Variants in FCHO2 observed in about 807,000 individuals in gnomAD.
FCHO2 encodes FCH and mu domain containing endocytic adaptor 2.
A neutral mutation model predicts 114.1 loss-of-function variants in FCHO2; 43 were observed. The observed-to-expected ratio is 0.38, with a 90% CI of 0.30 to 0.49. The LOEUF (loss-of-function observed/expected upper bound fraction) is 0.49. Ranked by LOEUF, FCHO2 falls within the 20% of genes least tolerant of loss-of-function variation. The pLI, the probability that FCHO2 is intolerant of heterozygous loss-of-function variation, is 0.97. For missense variants in FCHO2, 807 were observed against 950.4 expected, an observed-to-expected ratio of 0.85 and a Z score of 1.98; for synonymous variants, 293 against 315.2, an observed-to-expected ratio of 0.93 and a Z score of 0.75.
intron 11 of FCHO2, among the ~76,000 whole-genome samples, chr5:73,044,800 A>G (rs1445340536): frequency 6.6e-6 from 1 of 151,968 alleles, no homozygotes; most frequent in Non-Finnish European, 1.5e-5. Flanking sequence ...AATTGCCACC[A>G]CTACTTTAGC....
chr5:73,023,812 A>G (rs1334823567), intron 8 of FCHO2, among the ~76,000 whole-genome samples: 1 of 152,214 alleles, frequency 6.6e-6, no homozygotes, highest in Non-Finnish European at 1.5e-5. Flanking sequence ...TTGCAGGTGA[A>G]TGAAAGTTTT....
At chr5:72,997,936 G>A (rs1265254507) in intron 5 of FCHO2, among the ~76,000 whole-genome samples, 2 of 152,110 alleles carry the variant, frequency 1.3e-5, no homozygotes, top group African/African-American at 2.4e-5. Flanking sequence ...GTGGTGGAGC[G>A]GCAGGACCCG....
Position 73,087,799 on chromosome 5 carries a change from T to C in FCHO2, c.2410+46T>C, listed in dbSNP as rs376405785. The C allele has an allele frequency of 3.3e-6, 5 of 1,526,530 alleles. No homozygotes were observed. The African/African-American group carries it at 5.6e-5, about 17-fold the overall frequency. 94.6% of individuals were successfully genotyped at this position (1,526,530 alleles called of 1,614,324 possible). On this transcript the variant is annotated intron_variant, in intron 25 of 25. Coordinates refer to ENST00000430046, the MANE Select transcript of FCHO2 (RefSeq NM_138782.3). The stretch of plus-strand genomic sequence containing the variant: ...CTTTTTAATGTACATGGGAAACATT[T>C]GTATTCTAACAGTTATTAAAAAACT...
Position 73,077,389 on chromosome 5 carries a change from T to TTA in FCHO2, c.1743_1744insTA (p.Ile582Ter). On this transcript the variant is annotated frameshift_variant, in exon 21 of 26. Transcript: ENST00000430046. LOFTEE classifies it high-confidence loss of function. ...TGACAATGTCATTTCCAAGTGGAATTATTAAAGTCTTCACCAGCAATCCAA... is the reference window on the plus strand; with the variant it reads ...TGACAATGTCATTTCCAAGTGGAATTTAATTAAAGTCTTCACCAGCAATCCAA... 6.3e-7 allele frequency: 1 copy of TTA among 1,588,698 alleles called. No individual in the cohort carries two copies. The highest frequency in any genetic ancestry group is 8.6e-7 in the Non-Finnish European group (1 of 1,166,260).
rs1473027428 is a variant in FCHO2, at chr5:72,972,626, A to G, written c.125+4037A>G. On this transcript the variant is annotated intron_variant, in intron 2 of 25. Transcript: ENST00000430046. ...GCTGAGACAATGGGGTTTTCTAGAT[A>G]TACAATCATGCCATCTGCAAACAAG... is the stretch of plus-strand genomic sequence containing the variant. Among the ~76,000 whole-genome samples, 3 of 152,180 alleles carry G rather than the reference A, an allele frequency of 2.0e-5. No homozygotes were observed. The East Asian group carries it at 5.8e-4, about 29-fold the overall frequency.
At chr5:72,970,342 C>A (rs940488911) in intron 2 of FCHO2, among the ~76,000 whole-genome samples, 1 of 152,138 alleles carries the variant, frequency 6.6e-6, no homozygotes, top group African/African-American at 2.4e-5. Flanking sequence ...CAAAGAGATA[C>A]ATGAATTACA....
chr5:73,075,589 T>C (rs925552084), intron 20 of FCHO2, among the ~76,000 whole-genome samples: 2 of 152,138 alleles, frequency 1.3e-5, no homozygotes, highest in African/African-American at 4.8e-5. Context: ...AGAGGAATGA[T>C]GAAATTACAT....
Position 73,082,833 on chromosome 5 carries a change from T to A in FCHO2, c.2245+8T>A. 1 of 1,573,642 alleles carries A rather than the reference T, an allele frequency of 6.4e-7. No individual in the cohort carries two copies. The highest frequency in any genetic ancestry group is 8.6e-7 in the Non-Finnish European group (1 of 1,164,782). On this transcript the variant is annotated splice_region_variant and intron_variant, in intron 24 of 25. Coordinates refer to ENST00000430046, the MANE Select transcript of FCHO2 (RefSeq NM_138782.3). ...AAAAATCAGAAAATGGAGGTAAGTG[T>A]GTGTGTCCTTTTTTATTTATAAAAT...
chr5:72,986,850 T>C (rs1753546486), intron 2 of FCHO2, among the ~76,000 whole-genome samples: 1 of 151,984 alleles, frequency 6.6e-6, no homozygotes, highest in Non-Finnish European at 1.5e-5. Context: ...TTATACAATA[T>C]TTTAACTATT....
rs1743408102 is a variant in FCHO2, at chr5:73,089,220, A to G, written c.*1130A>G. The G allele has an allele frequency of 6.6e-6, 1 of 152,572 alleles. No individual in the cohort carries two copies. The highest frequency in any genetic ancestry group is 6.6e-5 in the Admixed American group (1 of 15,266). 9.5% of individuals were successfully genotyped at this position (152,572 alleles called of 1,614,324 possible). ...AAAAAACTATAGTGCTAAATTGGTA[A>G]CTGGTATTTTAACTCTCAATTTAGC... is the stretch of plus-strand genomic sequence containing the variant. On this transcript the variant is annotated 3_prime_UTR_variant, in exon 26 of 26. Transcript: ENST00000430046.
chr5:73,025,752 T>C (rs1206744213), intron 8 of FCHO2, among the ~76,000 whole-genome samples: 2 of 152,188 alleles, frequency 1.3e-5, no homozygotes, highest in Non-Finnish European at 2.9e-5. Context: ...ATAACAAAAC[T>C]TGTGCTTCCT....
At chr5:73,036,353 TTGTTTTTTTCTGTTTC>T (rs1383551188) in intron 9 of FCHO2, among the ~76,000 whole-genome samples, 1 of 152,098 alleles carries the variant, frequency 6.6e-6, no homozygotes, top group Non-Finnish European at 1.5e-5. Context: ...TTTTGTTTTT[TTGTTTTTTTCTGTTTC>T]TGTTTTTTTC....
chr5:73,064,617 T>C (rs922972414), intron 18 of FCHO2, among the ~76,000 whole-genome samples: 3 of 152,106 alleles, frequency 2.0e-5, no homozygotes, highest in Admixed American at 6.6e-5. Context: ...TCAGTCTGTG[T>C]GGTTGACTGT....
chr5:72,970,477 T>C (rs1262355247), intron 2 of FCHO2, among the ~76,000 whole-genome samples: 1 of 152,018 alleles, frequency 6.6e-6, no homozygotes, highest in Non-Finnish European at 1.5e-5. Context: ...CTTATTCTTT[T>C]TTTTTTTTAT....
intron 8 of FCHO2, among the ~76,000 whole-genome samples, chr5:73,031,237 A>G (rs1232914079): frequency 2.6e-5 from 4 of 151,842 alleles, no homozygotes; most frequent in East Asian, 1.9e-4. Context: ...ATGAGTCACA[A>G]CTCTTTCCTT....
chr5:73,056,622 C>A (rs1383339817), intron 16 of FCHO2, among the ~76,000 whole-genome samples: 1 of 151,992 alleles, frequency 6.6e-6, no homozygotes, highest in African/African-American at 2.4e-5. Flanking sequence ...GTAATATGTC[C>A]TTTTACAATA....
At chr5:73,072,383 A>T (rs1742697660) in intron 19 of FCHO2, among the ~76,000 whole-genome samples, 1 of 152,020 alleles carries the variant, frequency 6.6e-6, no homozygotes, top group South Asian at 2.1e-4. Context: ...TTTACATATG[A>T]TCCAGCAATT....
chr5:73,083,401 A>T (rs932836046), intron 24 of FCHO2, among the ~76,000 whole-genome samples: 8 of 152,230 alleles, frequency 5.3e-5, no homozygotes, highest in African/African-American at 1.9e-4. Context: ...TAACTTTATA[A>T]ATATTATGTA....
At chr5:73,034,497 A>G in intron 8 of FCHO2, 160 bp from the exon 9 acceptor site, 1 of 478,426 alleles carries the variant, frequency 2.1e-6, no homozygotes, top group South Asian at 3.5e-5. Flanking sequence ...TATTGCTGAT[A>G]TTTTAATTAT....
Sources: allele counts gnomAD v4.1 joint callset (sites outside exome capture counted in the v4.1 genomes callset), GRCh38; gene constraint gnomAD v4.1.1; transcripts MANE v1.5; gene names NCBI Gene and HGNC (gene_info 2026-07-23, HGNC 2026-07-21).